Variants in HMBOX1 observed in about 807,000 individuals in gnomAD.
HMBOX1 encodes homeobox containing 1, also known as homeobox-containing protein 1.
In HMBOX1, 14 loss-of-function variants were observed where a neutral mutation model predicts 54.5. That is an observed-to-expected ratio of 0.26 (90% CI 0.17 to 0.40). The LOEUF (loss-of-function observed/expected upper bound fraction) is 0.40, where lower values mean the gene tolerates loss of function less well. Among genes scored for constraint, HMBOX1 ranks in the 10% least tolerant of loss-of-function variants. HMBOX1 has a pLI of 1.00. For synonymous variants in HMBOX1, 160 were observed against 181.0 expected (o/e 0.88, Z 0.93); for missense variants, 332 against 514.4 (o/e 0.65, Z 3.43).
chr8:28,971,545 T>A (rs2132364055), intron 3 of HMBOX1, among the ~76,000 whole-genome samples: 1 of 152,286 alleles, frequency 6.6e-6, no homozygotes, highest in South Asian at 2.1e-4. Flanking sequence ...GTTTAATGAA[T>A]GGGTGACCTT....
In HMBOX1 at chr8:28,970,582, A is replaced by C. The variant is rs1317328414; in HGVS notation, c.500+63A>C. 1.9e-6 allele frequency: 2 copies of C among 1,054,858 alleles called. No individual in the cohort carries two copies. Among genetic ancestry groups the C allele is most frequent in the Non-Finnish European group, 1.4e-6 (1 of 725,366 alleles). 65.3% of individuals were successfully genotyped at this position (1,054,858 alleles called of 1,614,324 possible). A position where few individuals can be genotyped will look rare whatever the true frequency, so the allele number is the denominator to read the frequency against. On this transcript the variant is annotated intron_variant, in intron 3 of 9. Coordinates refer to ENST00000287701, the MANE Select transcript of HMBOX1 (RefSeq NM_001135726.3). The surrounding 1 kb of genome is among the most constrained non-coding windows in gnomAD (Gnocchi z 4.3). The stretch of plus-strand genomic sequence containing the variant: ...CTGTATTCTTAGATTGTTTTTAAGT[A>C]GTATGCTGCGTTTCAGCTACTTAGC...
intron 4 of HMBOX1, among the ~76,000 whole-genome samples, chr8:28,997,152 G>A (rs1831984127): frequency 1.3e-5 from 2 of 152,144 alleles, no homozygotes; most frequent in African/African-American, 2.4e-5. Context: ...TTTAACAGAA[G>A]TGGCAAGAGC....
At chr8:28,936,508 G>A (rs568477036) in intron 1 of HMBOX1, among the ~76,000 whole-genome samples, 2 of 151,722 alleles carry the variant, frequency 1.3e-5, no homozygotes, top group African/African-American at 4.8e-5. Context: ...TTTAATTGTG[G>A]TGAGATTCAG....
At chr8:29,048,018 T>C (rs1805855877) in intron 8 of HMBOX1, among the ~76,000 whole-genome samples, 1 of 152,330 alleles carries the variant, frequency 6.6e-6, no homozygotes, top group Admixed American at 6.5e-5. Context: ...AATATAGAAT[T>C]AGACATGGCC....
intron 1 of HMBOX1, among the ~76,000 whole-genome samples, chr8:28,905,084 A>G (rs1228627011): frequency 6.6e-6 from 1 of 152,224 alleles, no homozygotes; most frequent in Non-Finnish European, 1.5e-5. Flanking sequence ...TGGTTGGCAC[A>G]CAGTGGAGTG....
chr8:29,024,474 C>T (rs776196637), intron 6 of HMBOX1, among the ~76,000 whole-genome samples: 2 of 151,940 alleles, frequency 1.3e-5, no homozygotes, highest in Non-Finnish European at 1.5e-5. Flanking sequence ...TAGATAATAG[C>T]GGTAGGAGTG....
chr8:28,950,925 G>C lies in HMBOX1; in HGVS notation c.-57-12886G>C, dbSNP rs114795949. 3.2e-3 allele frequency among the ~76,000 whole-genome samples: 493 copies of C among 152,272 alleles called. 7 individuals are homozygous for C. Among genetic ancestry groups the C allele is most frequent in the African/African-American group, 0.011 (460 of 41,542 alleles). On this transcript the variant is annotated intron_variant, in intron 1 of 9. Transcript: ENST00000287701. ...AAAGTAATCAAGACCTATAATTCCTGTACTAGGCTATTATAGTAAATTCTA... is the reference window on the plus strand; with the variant it reads ...AAAGTAATCAAGACCTATAATTCCTCTACTAGGCTATTATAGTAAATTCTA...
rs200416236 is a variant in HMBOX1, at chr8:28,978,591, C to T, written c.501-1480C>T. Among the ~76,000 whole-genome samples, 6 of 152,020 alleles carry T rather than the reference C, an allele frequency of 3.9e-5. No homozygotes were observed. In the East Asian group the frequency reaches 5.8e-4, roughly 15 times the overall value. On this transcript the variant is annotated intron_variant, in intron 3 of 9. Transcript: ENST00000287701. ...TGAGGTTAGGAGTTCGAGACCAGCC[C>T]GGCCAACCAACATGGTGAAACCCCG... is the stretch of plus-strand genomic sequence containing the variant.
chr8:29,041,006 C>T (rs28584575), intron 6 of HMBOX1, among the ~76,000 whole-genome samples: 1 of 151,990 alleles, frequency 6.6e-6, no homozygotes, highest in Admixed American at 6.6e-5. Flanking sequence ...TCTAGCTGGT[C>T]CAAATACACT....
At chr8:28,941,765 T>C (rs1432752152) in intron 1 of HMBOX1, among the ~76,000 whole-genome samples, 1 of 152,240 alleles carries the variant, frequency 6.6e-6, no homozygotes, top group Non-Finnish European at 1.5e-5. Flanking sequence ...TGCCAGAGTA[T>C]TGTTTTCTGT....
At chr8:29,000,168 A>G (rs1832427382) in intron 4 of HMBOX1, among the ~76,000 whole-genome samples, 1 of 152,132 alleles carries the variant, frequency 6.6e-6, no homozygotes, top group Non-Finnish European at 1.5e-5. Flanking sequence ...ATTAGGTAAA[A>G]ATTTCCTCAA....
intron 4 of HMBOX1, among the ~76,000 whole-genome samples, chr8:29,001,657 C>T (rs1312743065): frequency 6.6e-6 from 1 of 152,160 alleles, no homozygotes; most frequent in Admixed American, 6.5e-5. Flanking sequence ...TAGAAATAAT[C>T]TGTAAATTGA....
intron 6 of HMBOX1, among the ~76,000 whole-genome samples, chr8:29,031,236 T>C (rs1217183264): frequency 6.6e-6 from 1 of 152,234 alleles, no homozygotes; most frequent in African/African-American, 2.4e-5. Context: ...ATGGTGGTTA[T>C]ATTTGGATAG....
chr8:28,995,168 C>T (rs527407076), intron 4 of HMBOX1, among the ~76,000 whole-genome samples: 364 of 152,236 alleles, frequency 2.4e-3, no homozygotes, highest in Middle Eastern at 6.8e-3. Context: ...TTCCAGTCCC[C>T]CAGTCCTCCA....
At chr8:29,047,261 A>T in intron 7 of HMBOX1, 97 bp from the exon 8 acceptor site, 1 of 752,282 alleles carries the variant, frequency 1.3e-6, no homozygotes, top group Non-Finnish European at 2.3e-6. Context: ...CAATAAACGT[A>T]ATCAAAAGCA....
chr8:28,913,480 A>C (rs1815880727), intron 1 of HMBOX1, among the ~76,000 whole-genome samples: 1 of 152,090 alleles, frequency 6.6e-6, no homozygotes, highest in Admixed American at 6.5e-5. Context: ...GGCAATGTCC[A>C]TTAGTTCTTT....
chr8:29,032,854 G>A (rs1419797039), intron 6 of HMBOX1, among the ~76,000 whole-genome samples: 4 of 152,024 alleles, frequency 2.6e-5, no homozygotes, highest in African/African-American at 9.7e-5. Context: ...ACTCAAGGTG[G>A]GAGATACGGT....
intron 3 of HMBOX1, among the ~76,000 whole-genome samples, chr8:28,977,591 CT>C: frequency 6.6e-6 from 1 of 152,078 alleles, no homozygotes; most frequent in Non-Finnish European, 1.5e-5. Flanking sequence ...TTATTTGTAC[CT>C]TTTTCTTTTT....
intron 4 of HMBOX1, among the ~76,000 whole-genome samples, chr8:28,996,105 CA>C (rs968720557): frequency 1.3e-4 from 19 of 143,850 alleles, no homozygotes; most frequent in South Asian, 4.4e-4. Flanking sequence ...GACTCCATCT[CA>C]AAAAAAAAAG....
Sources: gnomAD v4.1 joint callset for allele counts (sites outside exome capture counted in the v4.1 genomes callset) on GRCh38, gnomAD v4.1.1 for gene constraint, Gnocchi (gnomAD v3.1) non-coding constraint, MANE v1.5 for transcripts, NCBI Gene and HGNC (gene_info 2026-07-23, HGNC 2026-07-21) for gene names.